SPRED1: variants seen among roughly 807,000 people sequenced by gnomAD.
SPRED1 encodes sprouty related EVH1 domain containing 1.
A neutral mutation model predicts 52.3 loss-of-function variants in SPRED1; 18 were observed. The observed-to-expected ratio is 0.34, with a 90% confidence interval of 0.24 to 0.51. The LOEUF is 0.51. Ranked by LOEUF, SPRED1 falls within the 20% of genes least tolerant of loss-of-function variation. SPRED1 has a pLI of 0.97. For synonymous variants in SPRED1, 155 were observed against 179.7 expected (o/e 0.86, Z 1.10); for missense variants, 485 against 551.0 (o/e 0.88, Z 1.20).
intron 4 of SPRED1, among the ~76,000 whole-genome samples, chr15:38,336,687 C>T (rs990210538): frequency 1.3e-5 from 2 of 151,668 alleles, no homozygotes; most frequent in African/African-American, 4.8e-5. Flanking sequence ...GAATGGAAAA[C>T]CAAACATCAT....
chr15:38,299,931 G>C (rs1402321206), intron 2 of SPRED1, among the ~76,000 whole-genome samples: 2 of 152,002 alleles, frequency 1.3e-5, no homozygotes, highest in Non-Finnish European at 2.9e-5. Flanking sequence ...GCTAATAATG[G>C]TTTTTATAGT....
At chr15:38,318,677 CAT>C (rs1895538920) in intron 2 of SPRED1, among the ~76,000 whole-genome samples, 1 of 152,092 alleles carries the variant, frequency 6.6e-6, no homozygotes, top group Admixed American at 6.6e-5. Context: ...TAAGTAAGAA[CAT>C]GTGGTGTTTG....
Position 38,350,911 on chromosome 15 carries a change from A to G in SPRED1, c.685-103A>G, listed in dbSNP as rs559419292. 3.1e-5 allele frequency: 37 copies of G among 1,184,248 alleles called. No individual in the cohort carries two copies. In the South Asian group the frequency reaches 3.6e-4, roughly 11 times the overall value. 73.4% of individuals were successfully genotyped at this position (1,184,248 alleles called of 1,614,324 possible). A position where few individuals can be genotyped will look rare whatever the true frequency, so the allele number is the denominator to read the frequency against. On this transcript the variant is annotated intron_variant, in intron 6 of 6. Coordinates refer to ENST00000299084, the MANE Select transcript of SPRED1 (RefSeq NM_152594.3). ...CCAAAAACATATCATAGAAATGTCC[A>G]GAATAATATTTCAACAAATATCTGG...
At chr15:38,300,053 A>G (rs1347244955) in intron 2 of SPRED1, among the ~76,000 whole-genome samples, 3 of 152,164 alleles carry the variant, frequency 2.0e-5, no homozygotes, top group Non-Finnish European at 4.4e-5. Context: ...AGCCAAGGTG[A>G]TTCCCTTATT....
chr15:38,283,097 T>G (rs542109266), intron 1 of SPRED1, among the ~76,000 whole-genome samples: 1 of 152,270 alleles, frequency 6.6e-6, no homozygotes, highest in Non-Finnish European at 1.5e-5. Context: ...TGACTCACGG[T>G]TCCACAGGCT....
Position 38,351,716 on chromosome 15 carries a change from A to G in SPRED1, c.*52A>G. 6.3e-7 allele frequency: 1 copy of G among 1,596,524 alleles called. No homozygotes were observed. The highest frequency in any genetic ancestry group is 8.5e-7 in the Non-Finnish European group (1 of 1,175,974). On this transcript the variant is annotated 3_prime_UTR_variant, in exon 7 of 7. Coordinates refer to ENST00000299084, the MANE Select transcript of SPRED1 (RefSeq NM_152594.3). ...AAATCTTTGTTTCCAGGAATTAGCT[A>G]ACTTGGATTTGTGGAAGCTTTTGGC...
rs549387366 is a variant in SPRED1, at chr15:38,319,578, A to G, written c.208-2663A>G. Among the ~76,000 whole-genome samples the G allele has an allele frequency of 1.6e-4, 24 of 152,182 alleles. 1 individual carries two copies. The highest frequency in any genetic ancestry group is 5.9e-4 in the Admixed American group (9 of 15,294). ...TATTTTAGTGGAGACGGGTTTCACT[A>G]TGTTGGTCAGGATGGTCTTGAACTC... On this transcript the variant is annotated intron_variant, in intron 2 of 6. Coordinates refer to ENST00000299084, the MANE Select transcript of SPRED1 (RefSeq NM_152594.3).
chr15:38,351,998 T>C lies in SPRED1; in HGVS notation c.*334T>C, dbSNP rs1297950866. The C allele has an allele frequency of 3.2e-6, 1 of 312,986 alleles. No homozygotes were observed. The highest frequency in any genetic ancestry group is 2.2e-5 in the African/African-American group (1 of 46,112). 19.4% of individuals were successfully genotyped at this position (312,986 alleles called of 1,614,324 possible). On this transcript the variant is annotated 3_prime_UTR_variant, in exon 7 of 7. Coordinates refer to ENST00000299084, the MANE Select transcript of SPRED1 (RefSeq NM_152594.3). Reference sequence around the variant, plus strand: ...TTTATGCATTAGGTGATGGGACTTTTAAAGGTTTGAATTTATTAGGACACG... The same window carrying C: ...TTTATGCATTAGGTGATGGGACTTTCAAAGGTTTGAATTTATTAGGACACG...
intron 1 of SPRED1, among the ~76,000 whole-genome samples, chr15:38,296,138 A>G (rs889812282): frequency 1.2e-4 from 18 of 152,082 alleles, no homozygotes; most frequent in African/African-American, 2.9e-4. Context: ...TCTCCAGACT[A>G]TGTCTTCCTT....
At chr15:38,311,785 A>G (rs1325453139) in intron 2 of SPRED1, among the ~76,000 whole-genome samples, 1 of 152,048 alleles carries the variant, frequency 6.6e-6, no homozygotes, top group Admixed American at 6.6e-5. Context: ...CCTGTAATGG[A>G]TTTGTGGCTT....
intron 1 of SPRED1, among the ~76,000 whole-genome samples, chr15:38,263,709 A>G (rs1450824606): frequency 2.0e-5 from 3 of 152,302 alleles, no homozygotes; most frequent in Non-Finnish European, 2.9e-5. Context: ...AGGTTTTGCT[A>G]TAGGTTGAGG....
intron 1 of SPRED1, among the ~76,000 whole-genome samples, chr15:38,297,114 T>C (rs977296717): frequency 3.3e-5 from 5 of 152,178 alleles, no homozygotes; most frequent in Non-Finnish European, 7.3e-5. Flanking sequence ...TTCAAGCCTC[T>C]AGAACTGTGA....
chr15:38,331,649 G>GTATTA (rs1011054337), intron 4 of SPRED1, among the ~76,000 whole-genome samples: 8 of 151,888 alleles, frequency 5.3e-5, no homozygotes, highest in East Asian at 1.9e-4. Context: ...TAGGTATATT[G>GTATTA]TATTATATTA....
rs1273454492 is a variant in SPRED1 at position 38,352,419 on chromosome 15, ACTCTAATAGCCTT to A, written c.*756_*768del. On this transcript the variant is annotated 3_prime_UTR_variant, in exon 7 of 7. Transcript: ENST00000299084. ...CTGGTAATCTAAAATCCTTAAAAAT[ACTCTAATAGCCTT>A]GAGTGACCAACTTTTTTTTTAAAGC... 1 of 152,442 alleles carries A rather than the reference ACTCTAATAGCCTT, an allele frequency of 6.6e-6. No individual in the cohort carries two copies. The highest frequency in any genetic ancestry group is 1.5e-5 in the Non-Finnish European group (1 of 67,990). 9.4% of individuals were successfully genotyped at this position (152,442 alleles called of 1,614,324 possible).
At chr15:38,330,363 A>C (rs892864314) in intron 4 of SPRED1, among the ~76,000 whole-genome samples, 1 of 152,172 alleles carries the variant, frequency 6.6e-6, no homozygotes, top group East Asian at 1.9e-4. Flanking sequence ...GTCAAAGCTC[A>C]TAGACAAATA....
At chr15:38,349,555 A>T (rs947223730) in intron 6 of SPRED1, 32 bp downstream of exon 6, 6 of 1,143,398 alleles carry the variant, frequency 5.2e-6, no homozygotes, top group African/African-American at 3.5e-5. Context: ...TGTGATATGG[A>T]ATTTAACTAA....
At chr15:38,266,290 A>G (rs1210512976) in intron 1 of SPRED1, among the ~76,000 whole-genome samples, 1 of 152,178 alleles carries the variant, frequency 6.6e-6, no homozygotes, top group South Asian at 2.1e-4. Context: ...TTGGATCCAA[A>G]AATCAAACTT....
chr15:38,326,304 T>G (rs2140997786), intron 4 of SPRED1: 1 of 152,334 alleles, frequency 6.6e-6, no homozygotes, highest in East Asian at 1.9e-4. Context: ...TTGCCTGATT[T>G]CTTCTTACTG....
chr15:38,300,487 A>G (rs1431270889), intron 2 of SPRED1, among the ~76,000 whole-genome samples: 2 of 152,168 alleles, frequency 1.3e-5, no homozygotes, highest in Non-Finnish European at 2.9e-5. Flanking sequence ...AACAGTTTGA[A>G]TATGACTTAC....
Sources: gnomAD v4.1 joint callset for allele counts (sites outside exome capture counted in the v4.1 genomes callset) on GRCh38, gnomAD v4.1.1 for gene constraint, MANE v1.5 for transcripts, NCBI Gene and HGNC (gene_info 2026-07-23, HGNC 2026-07-21) for gene names.